The following ST3GAL4 variants were observed in gnomAD, a reference collection of about 807,000 sequenced individuals.
ST3GAL4 encodes the protein CMP-N-acetylneuraminate-beta-galactosamide-alpha-2,3-sialyltransferase 4.
ST3GAL4 carries 24 observed loss-of-function variants against 42.6 expected under a neutral mutation model. The ratio of observed to expected loss-of-function variants is 0.56; its 90% CI spans 0.41 to 0.79. ST3GAL4 has a LOEUF of 0.79. Among genes scored for constraint, ST3GAL4 ranks in the 30% least tolerant of loss-of-function variants. The pLI is 0.00. For synonymous variants in ST3GAL4, 135 were observed against 163.2 expected, an observed-to-expected ratio of 0.83 and a Z score of 1.32; for missense variants, 311 against 430.8, an observed-to-expected ratio of 0.72 and a Z score of 2.46.
chr11:126,366,603 G>A lies in ST3GAL4; in HGVS notation c.-61+10761G>A, dbSNP rs1009937151. On this transcript the variant is annotated intron_variant, in intron 1 of 10. Coordinates refer to ENST00000444328, the MANE Select transcript of ST3GAL4 (RefSeq NM_001254757.2). The surrounding 1 kb of genome is among the most constrained non-coding windows in gnomAD (Gnocchi z 4.2). The stretch of plus-strand genomic sequence containing the variant: ...CGTGTGCAGGGCCCTCCCCTCTGGC[G>A]AGTCTGCCTCTCACTCGCTCAGCCC... 4.6e-5 allele frequency among the ~76,000 whole-genome samples: 7 copies of A among 152,102 alleles called. No homozygotes were observed. Among genetic ancestry groups the A allele is most frequent in the East Asian group, 1.9e-4 (1 of 5,180 alleles).
At chr11:126,371,080 A>AT (rs1169766367) in intron 1 of ST3GAL4, among the ~76,000 whole-genome samples, 1 of 148,010 alleles carries the variant, frequency 6.8e-6, no homozygotes, top group Non-Finnish European at 1.5e-5. Context: ...CATATTAGAT[A>AT]TTTTTTCCTT....
Position 126,400,045 on chromosome 11 carries a change from T to TCCCTC in ST3GAL4, c.-60-6041_-60-6037dup, listed in dbSNP as rs897429443. Among the ~76,000 whole-genome samples the TCCCTC allele has an allele frequency of 6.6e-6, 1 of 152,042 alleles. No individual in the cohort carries two copies. The highest frequency in any genetic ancestry group is 2.4e-5 in the African/African-American group (1 of 41,390). ...CTGCTCTCTCTCTCTTTTCTTCCTT[T>TCCCTC]CCCTCCCCTCCCCTGCTTTCCTCTC... is the stretch of plus-strand genomic sequence containing the variant. On this transcript the variant is annotated intron_variant, in intron 1 of 10. Coordinates refer to ENST00000444328, the MANE Select transcript of ST3GAL4 (RefSeq NM_001254757.2). This position sits in a 1 kb window ranked among gnomAD's most constrained non-coding sequence, Gnocchi z 4.6.
chr11:126,395,580 G>A (rs560185184), intron 1 of ST3GAL4, among the ~76,000 whole-genome samples: 2 of 152,122 alleles, frequency 1.3e-5, no homozygotes, highest in Non-Finnish European at 2.9e-5. Flanking sequence ...TAATTCCCAT[G>A]TGTCATGGGA....
At chr11:126,361,333 T>A (rs970741099) in intron 1 of ST3GAL4, among the ~76,000 whole-genome samples, 4 of 151,926 alleles carry the variant, frequency 2.6e-5, no homozygotes, top group Admixed American at 2.6e-4. Context: ...CAATTTTTTT[T>A]TGAAACTGTG....
rs528987174 is a variant in ST3GAL4, at chr11:126,411,792, C to T, written c.772-1713C>T. On this transcript the variant is annotated intron_variant, in intron 9 of 10. Transcript: ENST00000444328. This position sits in a 1 kb window ranked among gnomAD's most constrained non-coding sequence, Gnocchi z 6.3. ...ACAGCCTCCATCTTCAAGCCAGCGACGGCACAATAGATCCTTTCTGTGCTT... is the reference window on the plus strand; with the variant it reads ...ACAGCCTCCATCTTCAAGCCAGCGATGGCACAATAGATCCTTTCTGTGCTT... 2.0e-4 allele frequency among the ~76,000 whole-genome samples: 30 copies of T among 152,154 alleles called. No individual in the cohort carries two copies. Among genetic ancestry groups the T allele is most frequent in the East Asian group, 1.7e-3 (9 of 5,170 alleles).
rs1953540296 is a variant in ST3GAL4 at position 126,392,053 on chromosome 11, G to A, written c.-60-14043G>A. 6.6e-6 allele frequency: 1 copy of A among 152,036 alleles called. No homozygotes were observed. Among genetic ancestry groups the A allele is most frequent in the African/African-American group, 2.4e-5 (1 of 41,346 alleles). 9.4% of individuals were successfully genotyped at this position (152,036 alleles called of 1,614,324 possible). On this transcript the variant is annotated intron_variant, in intron 1 of 10. Transcript: ENST00000444328. The surrounding 1 kb of genome is among the most constrained non-coding windows in gnomAD (Gnocchi z 5.8). ...GCAGTTACACGTAATTTACAAATGA[G>A]GAATCTGAGGCTTTGAGATTGTCAA... is the stretch of plus-strand genomic sequence containing the variant.
chr11:126,405,921 T>G, intron 1 of ST3GAL4, 175 bp from the exon 2 acceptor site: 3 of 743,178 alleles, frequency 4.0e-6, no homozygotes, highest in East Asian at 2.8e-5. Flanking sequence ...ATGCCGCCCT[T>G]GGAGGAGTTA....
chr11:126,414,311 C>G lies in ST3GAL4; in HGVS notation c.*264C>G. 1.9e-6 allele frequency: 1 copy of G among 539,780 alleles called. No homozygotes were observed. The highest frequency in any genetic ancestry group is 3.3e-6 in the Non-Finnish European group (1 of 298,724). The allele number at this position is 539,780 out of a possible 1,614,324, so 33.4% of individuals were successfully genotyped here. A position where few individuals can be genotyped will look rare whatever the true frequency, so the allele number is the denominator to read the frequency against. On this transcript the variant is annotated 3_prime_UTR_variant, in exon 11 of 11. Transcript: ENST00000444328. ...CGTTGCTGTGGCACCCCCTCTCTGC[C>G]AGCACCAAGAGATTATTTAATGGGC...
At position 126,384,631 on chromosome 11, in the gene ST3GAL4, A is replaced by C. The variant is rs982191787; in HGVS notation, c.-60-21465A>C. 1.0e-6 allele frequency: 1 copy of C among 972,170 alleles called. No homozygotes were observed. Among genetic ancestry groups the C allele is most frequent in the African/African-American group, 1.8e-5 (1 of 56,834 alleles). The allele number at this position is 972,170 out of a possible 1,614,324, so 60.2% of individuals were successfully genotyped here. A position where few individuals can be genotyped will look rare whatever the true frequency, so the allele number is the denominator to read the frequency against. On this transcript the variant is annotated intron_variant, in intron 1 of 10. Transcript: ENST00000444328. This position sits in a 1 kb window ranked among gnomAD's most constrained non-coding sequence, Gnocchi z 5.5. ...CGGAACTGGTCAGGGCCTGGCACCA[A>C]CTCCAGGATGTGCTACACCCAGACA... is the stretch of plus-strand genomic sequence containing the variant.
intron 1 of ST3GAL4, among the ~76,000 whole-genome samples, chr11:126,367,581 C>T (rs1333156336): frequency 2.6e-5 from 4 of 152,270 alleles, no homozygotes; most frequent in African/African-American, 7.2e-5. Flanking sequence ...AGGCTGCGGA[C>T]GTTACAAACC....
intron 1 of ST3GAL4, among the ~76,000 whole-genome samples, chr11:126,360,074 C>A (rs1952195098): frequency 6.6e-6 from 1 of 152,256 alleles, no homozygotes; most frequent in South Asian, 2.1e-4. Flanking sequence ...CCCAAAGACC[C>A]AATTCTCCTT....
intron 1 of ST3GAL4, among the ~76,000 whole-genome samples, chr11:126,387,070 A>T (rs1053519675): frequency 6.6e-6 from 1 of 152,150 alleles, no homozygotes; most frequent in Non-Finnish European, 1.5e-5. Context: ...GGTAGGACAC[A>T]AGGAGGGCAA....
At chr11:126,356,104 A>G (rs1382704686) in intron 1 of ST3GAL4, 1 of 152,228 alleles carries the variant, frequency 6.6e-6, no homozygotes, top group Non-Finnish European at 1.5e-5. Flanking sequence ...AGTTCTGCGG[A>G]AAGTTTCCGC....
At chr11:126,382,017 C>T (rs1452657180) in intron 1 of ST3GAL4, among the ~76,000 whole-genome samples, 37 of 152,196 alleles carry the variant, frequency 2.4e-4, no homozygotes, top group African/African-American at 7.9e-4. Flanking sequence ...CCTTGGCCCA[C>T]CCCCATCAGA....
In ST3GAL4 at chr11:126,379,137, T is replaced by C. The variant is rs1198338581; in HGVS notation, c.-61+23295T>C. 6.6e-6 allele frequency among the ~76,000 whole-genome samples: 1 copy of C among 152,256 alleles called. No individual in the cohort carries two copies. The highest frequency in any genetic ancestry group is 2.4e-5 in the African/African-American group (1 of 41,462). On this transcript the variant is annotated intron_variant, in intron 1 of 10. Transcript: ENST00000444328. The surrounding 1 kb of genome is among the most constrained non-coding windows in gnomAD (Gnocchi z 4.2). ...TTTTCATAACGCCATTTTCCTGAATTGCTCACTCAAGTGTGTATGGGAGCA... is the reference window on the plus strand; with the variant it reads ...TTTTCATAACGCCATTTTCCTGAATCGCTCACTCAAGTGTGTATGGGAGCA...
At chr11:126,361,652 G>A (rs1479578588) in intron 1 of ST3GAL4, among the ~76,000 whole-genome samples, 1 of 152,096 alleles carries the variant, frequency 6.6e-6, no homozygotes, top group East Asian at 1.9e-4. Context: ...GCCTGTGACA[G>A]GGAGGGAACC....
At chr11:126,388,701 C>T (rs1161371665) in intron 1 of ST3GAL4, among the ~76,000 whole-genome samples, 1 of 119,470 alleles carries the variant, frequency 8.4e-6, no homozygotes, top group African/African-American at 3.3e-5. Flanking sequence ...GTGAGCACAT[C>T]ATAGGCTCAG....
chr11:126,359,684 C>T lies in ST3GAL4; in HGVS notation c.-61+3842C>T, dbSNP rs372609265. Among the ~76,000 whole-genome samples the T allele has an allele frequency of 3.3e-5, 5 of 152,106 alleles. No homozygotes were observed. Among genetic ancestry groups the T allele is most frequent in the African/African-American group, 7.3e-5 (3 of 41,344 alleles). ...GCCGTACCCTGAGCACACGCTTGTC[C>T]GCTTTCTCAGCTGGGCGGGGCGGGG... On this transcript the variant is annotated intron_variant, in intron 1 of 10. Coordinates refer to ENST00000444328, the MANE Select transcript of ST3GAL4 (RefSeq NM_001254757.2). This position sits in a 1 kb window ranked among gnomAD's most constrained non-coding sequence, Gnocchi z 4.8.
chr11:126,403,897 G>T (rs778504231), intron 1 of ST3GAL4, among the ~76,000 whole-genome samples: 3 of 152,184 alleles, frequency 2.0e-5, no homozygotes, highest in African/African-American at 7.2e-5. Flanking sequence ...GGTTTGAGAA[G>T]TGTGCTTTCA....
Sources: gnomAD v4.1 joint callset for allele counts (sites outside exome capture counted in the v4.1 genomes callset) on GRCh38, gnomAD v4.1.1 for gene constraint, Gnocchi (gnomAD v3.1) non-coding constraint, MANE v1.5 for transcripts, NCBI Gene and HGNC (gene_info 2026-07-23, HGNC 2026-07-21) for gene names.